SNX29: variants seen among roughly 807,000 people sequenced by gnomAD.
The protein encoded by SNX29 is sorting nexin 29, also known as sorting nexin-29.
In SNX29, 78 loss-of-function variants were observed where a neutral mutation model predicts 102.1. The ratio of observed to expected loss-of-function variants is 0.76; its 90% CI spans 0.64 to 0.92. SNX29 has a LOEUF of 0.92. SNX29 is among the 40% of genes least tolerant of loss of function. The pLI, the probability that SNX29 is intolerant of heterozygous loss-of-function variation, is 0.00. For missense variants in SNX29, 1,280 were observed against 1,061.7 expected (o/e 1.21, Z -2.86); for synonymous variants, 580 against 414.5 (o/e 1.40, Z -4.85).
At chr16:12,538,698 G>A (rs10852350) in intron 20 of SNX29, among the ~76,000 whole-genome samples, 17 of 152,050 alleles carry the variant, frequency 1.1e-4, no homozygotes, top group East Asian at 3.9e-4. Flanking sequence ...ACCAGTGGGC[G>A]AGCCTGGGCA....
chr16:12,251,399 G>A (rs1336879035), intron 14 of SNX29, among the ~76,000 whole-genome samples: 1 of 152,182 alleles, frequency 6.6e-6, no homozygotes, highest in Non-Finnish European at 1.5e-5. Flanking sequence ...TGATGCACAA[G>A]CCAGCAATAT....
At chr16:12,215,599 C>T (rs2077302988) in intron 14 of SNX29, among the ~76,000 whole-genome samples, 1 of 152,120 alleles carries the variant, frequency 6.6e-6, no homozygotes, top group African/African-American at 2.4e-5. Context: ...TTCTGCCAGG[C>T]AGTGGAACAG....
intron 13 of SNX29, among the ~76,000 whole-genome samples, chr16:12,132,260 G>C (rs1434155844): frequency 6.6e-6 from 1 of 152,084 alleles, no homozygotes; most frequent in Admixed American, 6.5e-5. Context: ...CACTATGCCC[G>C]GCTAATTTTT....
chr16:12,135,311 A>G (rs375848888), intron 13 of SNX29, among the ~76,000 whole-genome samples: 14 of 152,014 alleles, frequency 9.2e-5, no homozygotes, highest in African/African-American at 2.7e-4. Context: ...CACTCCCCCA[A>G]TTTTCCTTGG....
At position 12,571,116 on chromosome 16, in the gene SNX29, A is replaced by G. The variant is rs2079178494; in HGVS notation, c.*2487A>G. 1 of 232,626 alleles carries G rather than the reference A, an allele frequency of 4.3e-6. No homozygotes were observed. The highest frequency in any genetic ancestry group is 8.5e-6 in the Non-Finnish European group (1 of 117,640). The allele number at this position is 232,626 out of a possible 1,614,324, so 14.4% of individuals were successfully genotyped here. ...AAGCCTTCCCTTTGGAATCCCATAG[A>G]ATGTTCTGCAATGATTGGGTCCATC... On this transcript the variant is annotated 3_prime_UTR_variant, in exon 21 of 21. Transcript: ENST00000566228.
rs1035607032 is a variant in SNX29 at position 12,458,249 on chromosome 16, C to G, written c.2038-19470C>G. Among the ~76,000 whole-genome samples, 6 of 152,122 alleles carry G rather than the reference C, an allele frequency of 3.9e-5. No homozygotes were observed. The East Asian group carries it at 1.2e-3, about 29-fold the overall frequency. On this transcript the variant is annotated intron_variant, in intron 18 of 20. Transcript: ENST00000566228. ...CCTTAGTTGGCATTTTGTAGCATAT[C>G]TGCCCCGAGCTGACCACCATCTGCT...
At chr16:12,091,532 A>G (rs948964487) in intron 11 of SNX29, among the ~76,000 whole-genome samples, 3 of 152,038 alleles carry the variant, frequency 2.0e-5, no homozygotes, top group African/African-American at 7.3e-5. Flanking sequence ...TATGCCTGCA[A>G]TCCCAGCACT....
At chr16:12,121,873 A>G (rs2141349573) in intron 11 of SNX29, among the ~76,000 whole-genome samples, 1 of 152,238 alleles carries the variant, frequency 6.6e-6, no homozygotes, top group East Asian at 1.9e-4. Flanking sequence ...ATCTTGGCTC[A>G]CTGCAACCTC....
chr16:12,554,867 A>T (rs1377884313), intron 20 of SNX29, among the ~76,000 whole-genome samples: 1 of 152,160 alleles, frequency 6.6e-6, no homozygotes, highest in Non-Finnish European at 1.5e-5. Flanking sequence ...AGGAAAGAGG[A>T]CAAAGATATG....
chr16:12,254,652 A>C (rs572261650), intron 14 of SNX29, among the ~76,000 whole-genome samples: 1 of 152,136 alleles, frequency 6.6e-6, no homozygotes, highest in Admixed American at 6.5e-5. Flanking sequence ...CTCCAAAAAA[A>C]AAAAAGGTGA....
intron 11 of SNX29, among the ~76,000 whole-genome samples, chr16:12,116,853 C>T (rs2053728592): frequency 6.6e-6 from 1 of 152,116 alleles, no homozygotes; most frequent in African/African-American, 2.4e-5. Flanking sequence ...CGAGGACGAA[C>T]CATGGAAACA....
intron 16 of SNX29, among the ~76,000 whole-genome samples, chr16:12,379,248 C>T (rs1323246652): frequency 2.0e-5 from 3 of 152,190 alleles, no homozygotes; most frequent in Admixed American, 2.0e-4. Flanking sequence ...ATTATCCTCC[C>T]ACTTCAGGCT....
At chr16:12,418,868 C>G (rs527676162) in intron 18 of SNX29, among the ~76,000 whole-genome samples, 17 of 152,154 alleles carry the variant, frequency 1.1e-4, no homozygotes, top group Non-Finnish European at 2.2e-4. Flanking sequence ...TTGCAGTTTC[C>G]TACACAGTCA....
intron 15 of SNX29, among the ~76,000 whole-genome samples, chr16:12,317,081 C>T (rs1469389350): frequency 6.6e-6 from 1 of 152,202 alleles, no homozygotes; most frequent in Non-Finnish European, 1.5e-5. Flanking sequence ...AGAGGAAATT[C>T]GGTTACAGTG....
chr16:12,195,819 A>G (rs1355060048), intron 13 of SNX29, among the ~76,000 whole-genome samples: 1 of 152,074 alleles, frequency 6.6e-6, no homozygotes, highest in East Asian at 1.9e-4. Flanking sequence ...GGCACAGTAA[A>G]ACCAACCTCG....
At chr16:12,334,437 C>T (rs377705885) in intron 15 of SNX29, among the ~76,000 whole-genome samples, 2 of 152,086 alleles carry the variant, frequency 1.3e-5, no homozygotes, top group Non-Finnish European at 2.9e-5. Context: ...CTTTTGTGTT[C>T]GGCACCGTGC....
chr16:12,101,386 A>ATTT (rs980544871), intron 11 of SNX29, among the ~76,000 whole-genome samples: 1 of 106,370 alleles, frequency 9.4e-6, no homozygotes, highest in Non-Finnish European at 1.9e-5. Context: ...CCCCAATTTT[A>ATTT]TTTTTTTTTT....
intron 3 of SNX29, among the ~76,000 whole-genome samples, chr16:12,023,933 C>T (rs927629197): frequency 1.1e-4 from 16 of 152,184 alleles, no homozygotes; most frequent in African/African-American, 3.6e-4. Flanking sequence ...CTTGAGTTCC[C>T]TGACTGGAGA....
intron 15 of SNX29, among the ~76,000 whole-genome samples, chr16:12,298,892 G>T: frequency 6.6e-6 from 1 of 152,048 alleles, no homozygotes; most frequent in Non-Finnish European, 1.5e-5. Flanking sequence ...TATCATAATG[G>T]AATGAGGAAG....
Sources: gnomAD v4.1 joint callset for allele counts (sites outside exome capture counted in the v4.1 genomes callset) on GRCh38, gnomAD v4.1.1 for gene constraint, MANE v1.5 for transcripts, NCBI Gene and HGNC (gene_info 2026-07-23, HGNC 2026-07-21) for gene names.